SKAP2: variants seen among roughly 807,000 people sequenced by gnomAD.
The protein encoded by SKAP2 is src kinase associated phosphoprotein 2, also known as src kinase-associated phosphoprotein 2.
A neutral mutation model predicts 54.9 loss-of-function variants in SKAP2; 28 were observed. That is an observed-to-expected ratio of 0.51 (90% CI 0.38 to 0.70). The LOEUF (loss-of-function observed/expected upper bound fraction) is 0.70, where lower values mean the gene tolerates loss of function less well. SKAP2 is among the 30% of genes least tolerant of loss of function. The pLI, the probability that SKAP2 is intolerant of heterozygous loss-of-function variation, is 0.00. For synonymous variants in SKAP2, 137 were observed against 134.3 expected, an observed-to-expected ratio of 1.02 and a Z score of -0.14; for missense variants, 356 against 424.1, an observed-to-expected ratio of 0.84 and a Z score of 1.41.
intron 4 of SKAP2, among the ~76,000 whole-genome samples, chr7:26,828,253 C>T (rs1784532182): frequency 6.6e-6 from 1 of 152,180 alleles, no homozygotes; most frequent in Non-Finnish European, 1.5e-5. Context: ...TGCAATGCAA[C>T]AAACATTTCA....
chr7:26,706,533 C>T (rs371411725), intron 9 of SKAP2, among the ~76,000 whole-genome samples: 9 of 152,042 alleles, frequency 5.9e-5, no homozygotes, highest in African/African-American at 2.2e-4. Flanking sequence ...ACAAATGTAG[C>T]GAACAGTGAA....
chr7:26,683,297 A>G (rs1244345793), intron 11 of SKAP2, among the ~76,000 whole-genome samples: 1 of 152,228 alleles, frequency 6.6e-6, no homozygotes. Flanking sequence ...TTAATGCTTA[A>G]TAACAGGCTT....
chr7:26,665,957 C>A (rs1268751362), downstream of SKAP2, among the ~76,000 whole-genome samples: 1 of 151,566 alleles, frequency 6.6e-6, no homozygotes, highest in Non-Finnish European at 1.5e-5. Flanking sequence ...AGATCATATT[C>A]ATCAAATGTT....
chr7:26,756,022 G>T (rs1782783356), intron 4 of SKAP2, among the ~76,000 whole-genome samples: 1 of 152,120 alleles, frequency 6.6e-6, no homozygotes, highest in South Asian at 2.1e-4. Context: ...AAAATGCCCA[G>T]CAAGAGGAAC....
At chr7:26,831,423 C>T (rs1784590902) in intron 4 of SKAP2, among the ~76,000 whole-genome samples, 1 of 152,018 alleles carries the variant, frequency 6.6e-6, no homozygotes, top group African/African-American at 2.4e-5. Context: ...ACTGCAAATC[C>T]TACAAAATTC....
chr7:26,838,917 T>C (rs990170230), intron 4 of SKAP2, among the ~76,000 whole-genome samples: 3 of 152,198 alleles, frequency 2.0e-5, no homozygotes, highest in African/African-American at 2.4e-5. Context: ...TTCTTAAAAA[T>C]AGGAACTTTA....
intron 4 of SKAP2, among the ~76,000 whole-genome samples, chr7:26,758,362 C>T (rs1306848219): frequency 2.0e-5 from 3 of 152,034 alleles, no homozygotes; most frequent in South Asian, 4.1e-4. Context: ...CAGAAAAATG[C>T]CACCCATTCA....
chr7:26,710,234 T>C (rs1272777933), intron 9 of SKAP2, among the ~76,000 whole-genome samples: 2 of 152,018 alleles, frequency 1.3e-5, no homozygotes, highest in Admixed American at 1.3e-4. Context: ...ACTAGAGGAG[T>C]TTGCAAATAT....
intron 4 of SKAP2, among the ~76,000 whole-genome samples, chr7:26,793,185 C>T (rs1012289263): frequency 6.6e-6 from 1 of 152,214 alleles, no homozygotes; most frequent in South Asian, 2.1e-4. Flanking sequence ...TGACTTGACC[C>T]TTCTGCAAGT....
intron 6 of SKAP2, among the ~76,000 whole-genome samples, chr7:26,727,532 C>T (rs1319654513): frequency 6.6e-6 from 1 of 151,938 alleles, no homozygotes; most frequent in Non-Finnish European, 1.5e-5. Context: ...CTAAACTAAA[C>T]TACTCATGAC....
intron 4 of SKAP2, among the ~76,000 whole-genome samples, chr7:26,780,920 G>A (rs549984001): frequency 1.7e-3 from 264 of 152,152 alleles, no homozygotes; most frequent in South Asian, 4.1e-3. Context: ...ATTGTACTAC[G>A]TATCATCTGA....
At chr7:26,675,950 A>G (rs1192485619) in intron 11 of SKAP2, among the ~76,000 whole-genome samples, 1 of 152,268 alleles carries the variant, frequency 6.6e-6, no homozygotes, top group African/African-American at 2.4e-5. Context: ...AAATGAATTC[A>G]GTTTAACTTA....
intron 4 of SKAP2, among the ~76,000 whole-genome samples, chr7:26,807,852 G>C (rs531252992): frequency 6.7e-6 from 1 of 148,654 alleles, no homozygotes; most frequent in South Asian, 2.2e-4. Flanking sequence ...ACAACTTGCT[G>C]AAGGGTAAGA....
chr7:26,758,285 TA>T (rs1359857783), intron 4 of SKAP2, among the ~76,000 whole-genome samples: 1 of 152,138 alleles, frequency 6.6e-6, no homozygotes, highest in East Asian at 1.9e-4. Context: ...ATACAATTTT[TA>T]AAACTGTAAA....
intron 4 of SKAP2, among the ~76,000 whole-genome samples, chr7:26,837,591 T>C (rs12534921): frequency 0.21 from 32,335 of 151,936 alleles, 3,528 homozygotes; most frequent in Non-Finnish European, 0.24. Context: ...CATGAGGGAT[T>C]TGCCCCATGA....
intron 9 of SKAP2, among the ~76,000 whole-genome samples, chr7:26,710,988 T>C (rs1033492142): frequency 6.6e-6 from 1 of 152,186 alleles, no homozygotes; most frequent in Non-Finnish European, 1.5e-5. Context: ...ACTCACCCTA[T>C]ACTTATAAAA....
At chr7:26,828,288 T>C (rs959255435) in intron 4 of SKAP2, among the ~76,000 whole-genome samples, 2 of 152,228 alleles carry the variant, frequency 1.3e-5, no homozygotes, top group Admixed American at 6.5e-5. Flanking sequence ...CTGTGTATTA[T>C]GTTGCTAGAA....
chr7:26,793,860 T>C (rs1783717076), intron 4 of SKAP2, among the ~76,000 whole-genome samples: 1 of 152,190 alleles, frequency 6.6e-6, no homozygotes, highest in Non-Finnish European at 1.5e-5. Context: ...ATTGACAGCC[T>C]CTGTAAAGCT....
intron 4 of SKAP2, among the ~76,000 whole-genome samples, chr7:26,801,968 AC>A (rs1255461304): frequency 6.6e-6 from 1 of 152,170 alleles, no homozygotes; most frequent in African/African-American, 2.4e-5. Flanking sequence ...CTATCAAAAT[AC>A]CAATGACATT....
Sources: allele counts gnomAD v4.1 joint callset (sites outside exome capture counted in the v4.1 genomes callset), GRCh38; gene constraint gnomAD v4.1.1; transcripts MANE v1.5; gene names NCBI Gene and HGNC (gene_info 2026-07-23, HGNC 2026-07-21).